Variants in PTPRD observed in about 807,000 individuals in gnomAD.
PTPRD encodes protein tyrosine phosphatase receptor type D, also known as receptor-type tyrosine-protein phosphatase delta.
Under a neutral mutation model 214.5 loss-of-function variants are expected in PTPRD, and 34 were observed. The ratio of observed to expected loss-of-function variants is 0.16; its 90% confidence interval spans 0.12 to 0.21. The LOEUF (loss-of-function observed/expected upper bound fraction) is 0.21. Ranked by LOEUF, PTPRD falls within the 10% of genes least tolerant of loss-of-function variation. The pLI is 1.00. For missense variants in PTPRD, 2,545 were observed against 2,398.7 expected, an observed-to-expected ratio of 1.06 and a Z score of -1.27; for synonymous variants, 1,128 against 845.7, an observed-to-expected ratio of 1.33 and a Z score of -5.79.
At chr9:8,722,598 G>C (rs554555569) in intron 12 of PTPRD, among the ~76,000 whole-genome samples, 1 of 151,736 alleles carries the variant, frequency 6.6e-6, no homozygotes, top group South Asian at 2.1e-4. Flanking sequence ...GAATCCTATT[G>C]CTGTAATTTT....
At chr9:9,455,066 G>A (rs1373412908) in intron 8 of PTPRD, among the ~76,000 whole-genome samples, 1 of 151,512 alleles carries the variant, frequency 6.6e-6, no homozygotes, top group Non-Finnish European at 1.5e-5. Flanking sequence ...AATTTTAATG[G>A]ACAATGTTGA....
chr9:9,438,015 C>G (rs1324286215), intron 8 of PTPRD, among the ~76,000 whole-genome samples: 1 of 152,106 alleles, frequency 6.6e-6, no homozygotes, highest in Non-Finnish European at 1.5e-5. Flanking sequence ...TGTTCTAGGC[C>G]TTTCTCCTTA....
intron 5 of PTPRD, among the ~76,000 whole-genome samples, chr9:9,817,974 T>C (rs1598660834): frequency 6.6e-6 from 1 of 152,156 alleles, no homozygotes; most frequent in African/African-American, 2.4e-5. Context: ...GTTGATCTCC[T>C]GAGGGACTTT....
chr9:10,061,959 T>A (rs1180933176), intron 3 of PTPRD, among the ~76,000 whole-genome samples: 3 of 152,010 alleles, frequency 2.0e-5, no homozygotes, highest in Non-Finnish European at 4.4e-5. Context: ...ACTCTGGAAA[T>A]GGAGTCTGGT....
intron 2 of PTPRD, among the ~76,000 whole-genome samples, chr9:10,590,634 G>A (rs2075198897): frequency 6.6e-6 from 1 of 151,914 alleles, no homozygotes; most frequent in Non-Finnish European, 1.5e-5. Flanking sequence ...ATTCTTGAGT[G>A]TATCAGTAGT....
At chr9:8,924,305 G>C (rs1302632374) in intron 11 of PTPRD, among the ~76,000 whole-genome samples, 1 of 152,102 alleles carries the variant, frequency 6.6e-6, no homozygotes, top group Non-Finnish European at 1.5e-5. Context: ...TTTCAATCAG[G>C]TATTTATTGA....
At chr9:10,150,784 G>T (rs559508476) in intron 3 of PTPRD, among the ~76,000 whole-genome samples, 110 of 152,046 alleles carry the variant, frequency 7.2e-4, no homozygotes, top group Non-Finnish European at 6.9e-4. Context: ...TAGAAAACAT[G>T]ATGTAGTTTC....
chr9:10,326,293 G>A (rs2096642057), intron 3 of PTPRD, among the ~76,000 whole-genome samples: 1 of 151,656 alleles, frequency 6.6e-6, no homozygotes, highest in South Asian at 2.1e-4. Context: ...AACTGACGTG[G>A]TCATTTTAGT....
intron 2 of PTPRD, among the ~76,000 whole-genome samples, chr9:10,601,417 T>A (rs1407355543): frequency 6.6e-6 from 1 of 151,818 alleles, no homozygotes; most frequent in Non-Finnish European, 1.5e-5. Context: ...CCTACATTTC[T>A]AAAGTAATAT....
At chr9:9,216,514 A>T (rs955080465) in intron 9 of PTPRD, among the ~76,000 whole-genome samples, 1 of 152,148 alleles carries the variant, frequency 6.6e-6, no homozygotes, top group Non-Finnish European at 1.5e-5. Context: ...AGCCTCAAAG[A>T]CTAAGCCTGA....
intron 14 of PTPRD, among the ~76,000 whole-genome samples, chr9:8,590,981 C>A (rs1221016877): frequency 6.6e-6 from 1 of 152,098 alleles, no homozygotes; most frequent in East Asian, 1.9e-4. Flanking sequence ...GGAGAATCTT[C>A]CTTCTTGCAT....
At chr9:8,532,933 G>C (rs773879659) in intron 14 of PTPRD, among the ~76,000 whole-genome samples, 17 of 152,010 alleles carry the variant, frequency 1.1e-4, no homozygotes, top group Admixed American at 3.3e-4. Context: ...GCATCTTCCA[G>C]AGTTAACTTC....
In PTPRD at chr9:10,044,514, A is replaced by G. The variant is rs553822308; in HGVS notation, c.-544-10724T>C. On this transcript the variant is annotated intron_variant, in intron 3 of 45. Coordinates refer to ENST00000381196, the MANE Select transcript of PTPRD (RefSeq NM_002839.4). Reference sequence around the variant, plus strand: ...ATCATTGCTATCTGAACAAATGTACAAAGTAGCCACAAATACAGGGAATCT... The same window carrying G: ...ATCATTGCTATCTGAACAAATGTACGAAGTAGCCACAAATACAGGGAATCT... Among the ~76,000 whole-genome samples, 59 of 151,956 alleles carry G rather than the reference A, an allele frequency of 3.9e-4. No individual in the cohort carries two copies. The South Asian group carries it at 8.7e-3, about 22-fold the overall frequency.
chr9:9,887,742 A>G (rs1414611297), intron 5 of PTPRD, among the ~76,000 whole-genome samples: 3 of 152,150 alleles, frequency 2.0e-5, no homozygotes, highest in Non-Finnish European at 2.9e-5. Flanking sequence ...AGAAAGCTAA[A>G]TATACTTTTC....
chr9:9,440,788 C>T (rs552975558), intron 8 of PTPRD, among the ~76,000 whole-genome samples: 1 of 152,256 alleles, frequency 6.6e-6, no homozygotes, highest in Admixed American at 6.5e-5. Flanking sequence ...AAAATTGTTT[C>T]AATCGCAATA....
intron 11 of PTPRD, among the ~76,000 whole-genome samples, chr9:8,959,651 T>C (rs1286945745): frequency 6.6e-6 from 1 of 152,028 alleles, no homozygotes; most frequent in Non-Finnish European, 1.5e-5. Context: ...ATAAAGTCTA[T>C]ATTTAGATGC....
At chr9:8,871,652 A>C (rs1441022407) in intron 11 of PTPRD, among the ~76,000 whole-genome samples, 1 of 152,170 alleles carries the variant, frequency 6.6e-6, no homozygotes, top group South Asian at 2.1e-4. Flanking sequence ...AGCTGACATG[A>C]TCATAGCAGT....
intron 12 of PTPRD, among the ~76,000 whole-genome samples, chr9:8,686,524 C>T (rs537268564): frequency 2.1e-4 from 32 of 152,072 alleles, no homozygotes; most frequent in Non-Finnish European, 4.1e-4. Context: ...TAATAATATA[C>T]ATTGTCACAA....
At chr9:10,597,053 G>A (rs942570154) in intron 2 of PTPRD, among the ~76,000 whole-genome samples, 2 of 150,792 alleles carry the variant, frequency 1.3e-5, no homozygotes, top group Non-Finnish European at 3.0e-5. Context: ...CTAGGTTATA[G>A]TCTTGGATTT....
Sources: gnomAD v4.1 joint callset for allele counts (sites outside exome capture counted in the v4.1 genomes callset) on GRCh38, gnomAD v4.1.1 for gene constraint, MANE v1.5 for transcripts, NCBI Gene and HGNC (gene_info 2026-07-23, HGNC 2026-07-21) for gene names.